VMP1: variants seen among roughly 807,000 people sequenced by gnomAD.
The protein encoded by VMP1 is ectopic P-granules autophagy protein 3 homolog.
Under a neutral mutation model 56.0 loss-of-function variants are expected in VMP1, and 11 were observed. The ratio of observed to expected loss-of-function variants is 0.20; its 90% confidence interval spans 0.12 to 0.32. The LOEUF is 0.32. Ranked by LOEUF, VMP1 falls within the 10% of genes least tolerant of loss-of-function variation. The pLI is 1.00. For synonymous variants in VMP1, 149 were observed against 165.0 expected, an observed-to-expected ratio of 0.90 and a Z score of 0.74; for missense variants, 296 against 490.3, an observed-to-expected ratio of 0.60 and a Z score of 3.74.
chr17:59,807,832 CAAA>C (rs543862899), intron 7 of VMP1, among the ~76,000 whole-genome samples: 1 of 85,660 alleles, frequency 1.2e-5, no homozygotes. Flanking sequence ...AACTCCGTCT[CAAA>C]AAAAAAAAAA....
chr17:59,838,175 C>A (rs2039043848), intron 10 of VMP1, 120 bp from the exon 11 acceptor site: 3 of 365,436 alleles, frequency 8.2e-6, no homozygotes, highest in East Asian at 1.1e-4. Flanking sequence ...ATATTTTATT[C>A]CTCTTCCTAT....
chr17:59,791,184 CTTT>C (rs200633751), intron 7 of VMP1, among the ~76,000 whole-genome samples: 1 of 133,664 alleles, frequency 7.5e-6, no homozygotes, highest in Admixed American at 7.7e-5. Context: ...TCCCAGTTCC[CTTT>C]TTTTTTTTTT....
intron 9 of VMP1, among the ~76,000 whole-genome samples, chr17:59,813,004 C>A (rs138491901): frequency 6.6e-6 from 1 of 152,170 alleles, no homozygotes; most frequent in African/African-American, 2.4e-5. Flanking sequence ...GTGTCTATCC[C>A]CAAAGTTTCT....
At chr17:59,773,311 G>T (rs1268825188) in intron 6 of VMP1, among the ~76,000 whole-genome samples, 1 of 151,736 alleles carries the variant, frequency 6.6e-6, no homozygotes, top group Non-Finnish European at 1.5e-5. Flanking sequence ...CGGTGGGGGG[G>T]GGCAAATGAT....
At chr17:59,712,846 T>C (rs564973874) in intron 1 of VMP1, among the ~76,000 whole-genome samples, 14 of 152,198 alleles carry the variant, frequency 9.2e-5, no homozygotes, top group Admixed American at 5.2e-4. Context: ...TCATTGTTGT[T>C]CATGTGTGAA....
chr17:59,834,990 C>T (rs2038933273), intron 10 of VMP1, among the ~76,000 whole-genome samples: 1 of 151,688 alleles, frequency 6.6e-6, no homozygotes, highest in African/African-American at 2.4e-5. Flanking sequence ...GAACTCCTGA[C>T]CTCAGGTGAT....
At position 59,786,136 on chromosome 17, in the gene VMP1, A is replaced by G. The variant is rs74256798; in HGVS notation, c.714+12251A>G. ...TTTATTAGTTGTAATGGTAGTTCTC[A>G]TTCTTATGGCCAATGCCTTTTTTTT... On this transcript the variant is annotated intron_variant, in intron 7 of 11. Transcript: ENST00000262291. 6.4e-3 allele frequency among the ~76,000 whole-genome samples: 978 copies of G among 152,318 alleles called. 21 individuals carry two copies. Among genetic ancestry groups the G allele is most frequent in the East Asian group, 0.046 (237 of 5,190 alleles).
intron 6 of VMP1, among the ~76,000 whole-genome samples, chr17:59,768,457 G>GCT (rs2036308181): frequency 6.6e-6 from 1 of 151,824 alleles, no homozygotes; most frequent in Non-Finnish European, 1.5e-5. Context: ...ATAAAACTTA[G>GCT]CTGGGCATGG....
intron 6 of VMP1, among the ~76,000 whole-genome samples, chr17:59,768,263 A>T (rs2645477): frequency 3.3e-5 from 5 of 151,958 alleles, no homozygotes; most frequent in African/African-American, 1.2e-4. Context: ...GTTATGTTTA[A>T]ATTTGTTAAT....
At chr17:59,732,122 CT>C (rs1260320242) in intron 2 of VMP1, among the ~76,000 whole-genome samples, 2 of 151,582 alleles carry the variant, frequency 1.3e-5, no homozygotes, top group African/African-American at 4.8e-5. Flanking sequence ...TTTTTTTTAG[CT>C]TTTGAATTGT....
chr17:59,752,398 C>T (rs977882960), intron 5 of VMP1, among the ~76,000 whole-genome samples: 21 of 152,170 alleles, frequency 1.4e-4, no homozygotes, highest in African/African-American at 5.1e-4. Context: ...AGAGAGCTAG[C>T]TGTCTTCTAA....
At chr17:59,721,448 C>G (rs941693852) in intron 1 of VMP1, among the ~76,000 whole-genome samples, 5 of 152,170 alleles carry the variant, frequency 3.3e-5, no homozygotes, top group Admixed American at 6.5e-5. Context: ...CTTTCAGCCA[C>G]CAAGTTTTCC....
chr17:59,727,384 T>C (rs1378501852), intron 1 of VMP1, among the ~76,000 whole-genome samples: 1 of 152,178 alleles, frequency 6.6e-6, no homozygotes, highest in African/African-American at 2.4e-5. Flanking sequence ...TCTGCCCGCC[T>C]CAGCCTTCGA....
intron 7 of VMP1, among the ~76,000 whole-genome samples, chr17:59,778,665 C>G (rs990964771): frequency 2.6e-5 from 4 of 152,116 alleles, no homozygotes; most frequent in African/African-American, 9.7e-5. Flanking sequence ...TTAATATTTA[C>G]TGAGAACCTC....
At chr17:59,785,310 A>C (rs1598390815) in intron 7 of VMP1, among the ~76,000 whole-genome samples, 2 of 152,156 alleles carry the variant, frequency 1.3e-5, no homozygotes, top group South Asian at 2.1e-4. Context: ...CCTACTTCTT[A>C]TTATTGCTAT....
intron 7 of VMP1, among the ~76,000 whole-genome samples, chr17:59,778,233 A>G (rs1171968767): frequency 6.6e-6 from 1 of 152,068 alleles, no homozygotes; most frequent in East Asian, 1.9e-4. Flanking sequence ...CCTTATTTGT[A>G]TGTTTATATA....
rs201541309 is a variant in VMP1, at chr17:59,817,792, A to G, written c.974+19A>G. The G allele has an allele frequency of 1.5e-4, 241 of 1,577,020 alleles. 1 individual carries two copies. The African/African-American group carries it at 2.0e-3, about 13-fold the overall frequency. On this transcript the variant is annotated intron_variant, in intron 10 of 11. Transcript: ENST00000262291. ...TCATTGGGTAAGTAATTCTTCAAGGACTAATATTAATATAATTACTCTTTA... is the reference window on the plus strand; with the variant it reads ...TCATTGGGTAAGTAATTCTTCAAGGGCTAATATTAATATAATTACTCTTTA...
intron 5 of VMP1, among the ~76,000 whole-genome samples, chr17:59,760,207 T>A (rs1455545623): frequency 6.6e-6 from 1 of 152,072 alleles, no homozygotes; most frequent in Non-Finnish European, 1.5e-5. Context: ...CAATGAAGTA[T>A]TGTTTTCTCA....
intron 5 of VMP1, among the ~76,000 whole-genome samples, chr17:59,750,302 ATTT>A (rs201862660): frequency 1.4e-5 from 2 of 143,096 alleles, no homozygotes; most frequent in Admixed American, 7.0e-5. Context: ...ACAATGAATA[ATTT>A]TTTTTTTTTT....
Sources: gnomAD v4.1 joint callset for allele counts (sites outside exome capture counted in the v4.1 genomes callset) on GRCh38, gnomAD v4.1.1 for gene constraint, MANE v1.5 for transcripts, NCBI Gene and HGNC (gene_info 2026-07-23, HGNC 2026-07-21) for gene names.